Variants in ZHX2 observed in about 807,000 individuals in gnomAD.
ZHX2 encodes the protein zinc fingers and homeoboxes protein 2.
ZHX2 carries 6 observed loss-of-function variants against 21.9 expected under a neutral mutation model. The observed-to-expected ratio is 0.27, with a 90% CI of 0.15 to 0.54. ZHX2 has a LOEUF of 0.54. Among genes scored for constraint, ZHX2 ranks in the 20% least tolerant of loss-of-function variants. The probability of loss-of-function intolerance (pLI) is 0.95; values close to 1 mark genes in which losing one functional copy is unlikely to be tolerated. For synonymous variants in ZHX2, 434 were observed against 437.1 expected, an observed-to-expected ratio of 0.99 and a Z score of 0.09; for missense variants, 908 against 1,090.7, an observed-to-expected ratio of 0.83 and a Z score of 2.36.
intron 2 of ZHX2, among the ~76,000 whole-genome samples, chr8:122,888,419 C>T (rs1430442024): frequency 1.3e-5 from 2 of 152,100 alleles, no homozygotes; most frequent in African/African-American, 4.8e-5. Context: ...TAGGAAGATT[C>T]AAAATCCTCT....
chr8:122,796,423 GTACT>G (rs1817614304), intron 1 of ZHX2, among the ~76,000 whole-genome samples: 1 of 152,150 alleles, frequency 6.6e-6, no homozygotes, highest in South Asian at 2.1e-4. Flanking sequence ...AGTGTGCTAA[GTACT>G]TACTTAGTAC....
intron 2 of ZHX2, among the ~76,000 whole-genome samples, chr8:122,924,488 G>A (rs1028593114): frequency 2.6e-5 from 4 of 152,162 alleles, no homozygotes; most frequent in African/African-American, 9.7e-5. Flanking sequence ...TTAAGACTTT[G>A]ACATATCTTT....
chr8:122,893,938 G>T (rs549284270), intron 2 of ZHX2, among the ~76,000 whole-genome samples: 2 of 152,320 alleles, frequency 1.3e-5, no homozygotes, highest in South Asian at 4.1e-4. Context: ...TGGTGGGACA[G>T]TTGCCTCTTC....
At chr8:122,837,863 G>T (rs1818539088) in intron 1 of ZHX2, among the ~76,000 whole-genome samples, 1 of 152,246 alleles carries the variant, frequency 6.6e-6, no homozygotes, top group East Asian at 1.9e-4. Context: ...TCCTCTTATT[G>T]GGTAAAATGG....
At chr8:122,896,225 C>CA (rs1820097407) in intron 2 of ZHX2, among the ~76,000 whole-genome samples, 1 of 143,046 alleles carries the variant, frequency 7.0e-6, no homozygotes, top group African/African-American at 2.5e-5. Flanking sequence ...TACTAGGACT[C>CA]TTTTTTTTTT....
intron 1 of ZHX2, among the ~76,000 whole-genome samples, chr8:122,857,742 C>A (rs957276981): frequency 6.6e-6 from 1 of 152,186 alleles, no homozygotes; most frequent in Non-Finnish European, 1.5e-5. Flanking sequence ...GAACTTTCTA[C>A]TCTTATGACT....
At chr8:122,840,560 C>T (rs926091581) in intron 1 of ZHX2, among the ~76,000 whole-genome samples, 2 of 152,214 alleles carry the variant, frequency 1.3e-5, no homozygotes, top group African/African-American at 4.8e-5. Context: ...TTACATTACA[C>T]TTGTCATTAC....
chr8:122,939,191 T>C (rs1179187141), intron 2 of ZHX2, among the ~76,000 whole-genome samples: 2 of 152,224 alleles, frequency 1.3e-5, no homozygotes, highest in Non-Finnish European at 2.9e-5. Context: ...TTGATGTGGC[T>C]ACCATTTTCA....
chr8:122,921,578 A>C (rs1820741251), intron 2 of ZHX2, among the ~76,000 whole-genome samples: 1 of 151,502 alleles, frequency 6.6e-6, no homozygotes. Flanking sequence ...TTGGGAGGCC[A>C]AGGTGGGAGG....
chr8:122,795,850 C>G (rs1817603365), intron 1 of ZHX2, among the ~76,000 whole-genome samples: 1 of 152,160 alleles, frequency 6.6e-6, no homozygotes, highest in Admixed American at 6.5e-5. Context: ...TGTCACAGTG[C>G]TGGACTGTTA....
intron 1 of ZHX2, among the ~76,000 whole-genome samples, chr8:122,796,884 C>T (rs938999549): frequency 2.0e-5 from 3 of 152,136 alleles, no homozygotes; most frequent in Admixed American, 2.0e-4. Context: ...CCAGATTCCT[C>T]GGGTGCCTGC....
intron 2 of ZHX2, among the ~76,000 whole-genome samples, chr8:122,939,859 G>A (rs1016623961): frequency 7.9e-5 from 12 of 152,160 alleles, no homozygotes; most frequent in Admixed American, 7.9e-4. Context: ...AGAGGAAAAC[G>A]GGGTCTGATG....
At chr8:122,844,447 G>A (rs1818709077) in intron 1 of ZHX2, among the ~76,000 whole-genome samples, 1 of 152,234 alleles carries the variant, frequency 6.6e-6, no homozygotes. Flanking sequence ...GATTGTGAAG[G>A]CAAAAGAGAT....
chr8:122,786,049 A>G (rs910790586), intron 1 of ZHX2, among the ~76,000 whole-genome samples: 14 of 152,236 alleles, frequency 9.2e-5, no homozygotes, highest in African/African-American at 3.1e-4. Context: ...AAGACCATGT[A>G]CAATAAAGAA....
chr8:122,822,196 A>G (rs1403875474), intron 1 of ZHX2, among the ~76,000 whole-genome samples: 2 of 152,346 alleles, frequency 1.3e-5, no homozygotes, highest in Middle Eastern at 3.4e-3. Context: ...AACCAGTATC[A>G]TAACTTACCC....
intron 2 of ZHX2, among the ~76,000 whole-genome samples, chr8:122,884,058 G>A (rs1819777565): frequency 1.3e-5 from 2 of 152,214 alleles, no homozygotes; most frequent in Non-Finnish European, 2.9e-5. Flanking sequence ...GGGCGGTAGA[G>A]CCTATTGCTC....
At chr8:122,888,073 C>A (rs1247800593) in intron 2 of ZHX2, among the ~76,000 whole-genome samples, 2 of 152,156 alleles carry the variant, frequency 1.3e-5, no homozygotes, top group Admixed American at 1.3e-4. Flanking sequence ...CCTCTCTACC[C>A]CTTCTCCAGG....
At chr8:122,882,318 G>T (rs991352513) in intron 2 of ZHX2, among the ~76,000 whole-genome samples, 3 of 150,838 alleles carry the variant, frequency 2.0e-5, no homozygotes, top group Non-Finnish European at 4.4e-5. Flanking sequence ...CACACACAGA[G>T]AGAGAGAGAG....
At chr8:122,962,047 G>C (rs1412819579) in intron 3 of ZHX2, among the ~76,000 whole-genome samples, 1 of 152,114 alleles carries the variant, frequency 6.6e-6, no homozygotes, top group Non-Finnish European at 1.5e-5. Context: ...TGTGACACAG[G>C]GTAGCACTGC....
Sources: gnomAD v4.1 joint callset for allele counts (sites outside exome capture counted in the v4.1 genomes callset) on GRCh38, gnomAD v4.1.1 for gene constraint, MANE v1.5 for transcripts, NCBI Gene and HGNC (gene_info 2026-07-23, HGNC 2026-07-21) for gene names.